Variants in NKAIN3 observed in about 807,000 individuals in gnomAD.
NKAIN3 encodes sodium/potassium transporting ATPase interacting 3.
Under a neutral mutation model 30.2 loss-of-function variants are expected in NKAIN3, and 25 were observed. The observed-to-expected ratio is 0.83, with a 90% confidence interval of 0.60 to 1.16. The LOEUF is 1.16. Ranked by LOEUF, NKAIN3 falls within the 50% of genes most tolerant of loss-of-function variation. NKAIN3 has a pLI of 0.00. For synonymous variants in NKAIN3, 91 were observed against 89.6 expected, an observed-to-expected ratio of 1.02 and a Z score of -0.09; for missense variants, 225 against 254.1, an observed-to-expected ratio of 0.89 and a Z score of 0.78.
chr8:62,558,770 C>A (rs1809482465), intron 1 of NKAIN3, among the ~76,000 whole-genome samples: 1 of 151,600 alleles, frequency 6.6e-6, no homozygotes, highest in South Asian at 2.1e-4. Flanking sequence ...AGGTGGGAGC[C>A]CAGATTACTG....
At chr8:62,295,941 G>C (rs1813813868) in intron 1 of NKAIN3, among the ~76,000 whole-genome samples, 1 of 152,162 alleles carries the variant, frequency 6.6e-6, no homozygotes, top group Admixed American at 6.5e-5. Context: ...TCACACCTTA[G>C]TGTAAATGTT....
chr8:62,634,918 CAG>C (rs1261944010), intron 3 of NKAIN3, among the ~76,000 whole-genome samples: 6 of 151,998 alleles, frequency 3.9e-5, no homozygotes, highest in Non-Finnish European at 7.4e-5. Flanking sequence ...AGAAAAAAGA[CAG>C]AAAGAAAACT....
intron 1 of NKAIN3, among the ~76,000 whole-genome samples, chr8:62,379,524 T>C (rs1054203940): frequency 1.3e-5 from 2 of 152,160 alleles, no homozygotes; most frequent in African/African-American, 4.8e-5. Flanking sequence ...TGAGAGGTAA[T>C]TAAACCATGA....
rs1179330014 is a variant in NKAIN3 at position 62,483,681 on chromosome 8, G to T, written c.55-95858G>T. On this transcript the variant is annotated intron_variant, in intron 1 of 6. Transcript: ENST00000623646. ...CTGAAGGCCGCCTTATCCTATGGAG[G>T]TTGTCAGGGACAATAAGCCCTTGCC... The T allele has an allele frequency of 1.5e-5, 4 of 264,144 alleles. No individual in the cohort carries two copies. In the East Asian group the frequency reaches 4.8e-4, roughly 32 times the overall value. 16.4% of individuals were successfully genotyped at this position (264,144 alleles called of 1,614,324 possible). A position where few individuals can be genotyped will look rare whatever the true frequency, so the allele number is the denominator to read the frequency against.
At chr8:62,865,667 T>G (rs547385059) in intron 4 of NKAIN3, among the ~76,000 whole-genome samples, 39 of 152,226 alleles carry the variant, frequency 2.6e-4, no homozygotes, top group Non-Finnish European at 5.6e-4. Context: ...AAAATAAATT[T>G]TAGCTGAGTA....
chr8:62,499,814 G>GTTTCTTTC (rs35053996), intron 1 of NKAIN3, among the ~76,000 whole-genome samples: 22 of 151,354 alleles, frequency 1.5e-4, no homozygotes, highest in Admixed American at 2.6e-4. Flanking sequence ...AGGTTTGTTT[G>GTTTCTTTC]TTTGTTTCTT....
At chr8:62,510,062 G>A (rs1390597404) in intron 1 of NKAIN3, among the ~76,000 whole-genome samples, 1 of 152,062 alleles carries the variant, frequency 6.6e-6, no homozygotes, top group Non-Finnish European at 1.5e-5. Flanking sequence ...AAAACCTCAT[G>A]AAGGAAGTGA....
intron 1 of NKAIN3, among the ~76,000 whole-genome samples, chr8:62,510,148 G>C (rs1261291707): frequency 6.6e-6 from 1 of 151,968 alleles, no homozygotes; most frequent in African/African-American, 2.4e-5. Context: ...GTGGAATCAG[G>C]GTGAATAAGA....
chr8:62,450,913 G>A (rs1805618975), intron 1 of NKAIN3, among the ~76,000 whole-genome samples: 1 of 152,194 alleles, frequency 6.6e-6, no homozygotes, highest in Admixed American at 6.5e-5. Context: ...GTAAGACATG[G>A]CTAATCCACT....
chr8:62,415,894 A>T (rs2129596326), intron 1 of NKAIN3, among the ~76,000 whole-genome samples: 1 of 151,936 alleles, frequency 6.6e-6, no homozygotes, highest in East Asian at 1.9e-4. Flanking sequence ...AGTAGCTGGG[A>T]CTACAGGTGC....
Position 62,360,865 on chromosome 8 carries a change from A to G in NKAIN3, c.54+111738A>G, listed in dbSNP as rs1447142658. ...CTCTTGTTGAATTGAACCCTTTCCC[A>G]TTATGTAATGACCTTCTTTGTCTTT... On this transcript the variant is annotated intron_variant, in intron 1 of 6. Coordinates refer to ENST00000623646, the MANE Select transcript of NKAIN3 (RefSeq NM_001304533.3). Among the ~76,000 whole-genome samples the G allele has an allele frequency of 2.0e-5, 3 of 152,084 alleles. No individual in the cohort carries two copies. In the South Asian group the frequency reaches 6.2e-4, roughly 32 times the overall value.
intron 1 of NKAIN3, among the ~76,000 whole-genome samples, chr8:62,360,526 GA>G (rs1350190020): frequency 2.1e-4 from 32 of 152,228 alleles, no homozygotes; most frequent in African/African-American, 6.5e-4. Flanking sequence ...ATGAATTAAT[GA>G]ATTTAAAGTA....
intron 3 of NKAIN3, among the ~76,000 whole-genome samples, chr8:62,720,996 A>G (rs1490874992): frequency 6.6e-6 from 1 of 152,220 alleles, no homozygotes; most frequent in Admixed American, 6.5e-5. Flanking sequence ...AGAGCCACGT[A>G]AGAGCATATA....
chr8:62,735,366 CTTTCTTTCTTTCTTTT>C (rs139851503), intron 3 of NKAIN3, among the ~76,000 whole-genome samples: 103,884 of 132,568 alleles, frequency 0.78, 39,753 homozygotes, highest in Non-Finnish European at 0.87. Context: ...TTCTTTCTTT[CTTTCTTTCTTTCTTTT>C]TTTTTTTTTT....
chr8:62,488,945 T>C (rs1038551117), intron 1 of NKAIN3, among the ~76,000 whole-genome samples: 1 of 152,204 alleles, frequency 6.6e-6, no homozygotes, highest in African/African-American at 2.4e-5. Context: ...ATATTTTATA[T>C]ATTCTAGCAA....
At chr8:62,567,298 A>G (rs1351757088) in intron 1 of NKAIN3, among the ~76,000 whole-genome samples, 1 of 152,120 alleles carries the variant, frequency 6.6e-6, no homozygotes, top group Non-Finnish European at 1.5e-5. Flanking sequence ...TAGACTGGTC[A>G]GGGCCGGGCT....
intron 5 of NKAIN3, among the ~76,000 whole-genome samples, chr8:62,945,092 A>G (rs1430311370): frequency 6.6e-6 from 1 of 152,234 alleles, no homozygotes; most frequent in Non-Finnish European, 1.5e-5. Context: ...CAAAACATAT[A>G]AGAGCAGACA....
At chr8:62,315,278 C>T (rs566113906) in intron 1 of NKAIN3, among the ~76,000 whole-genome samples, 1 of 152,276 alleles carries the variant, frequency 6.6e-6, no homozygotes, top group South Asian at 2.1e-4. Flanking sequence ...ACTACAAGCA[C>T]AAATTGTAGT....
At position 62,579,653 on chromosome 8, in the gene NKAIN3, T is replaced by A; in HGVS notation, c.169T>A (p.Tyr57Asn). The A allele has an allele frequency of 6.4e-7, 1 of 1,563,466 alleles. No individual in the cohort carries two copies. The highest frequency in any genetic ancestry group is 8.7e-7 in the Non-Finnish European group (1 of 1,153,238). ...VILGLFGTIQ[Y>N]RPRYIMVYTV... ...ATTGGGTTTGTTTGGGACCATTCAG[T>A]ACAGACCTCGATACATAATGGTGGT... Residue 57 changes from tyrosine to asparagine, a missense_variant, in exon 2 of 7, where the codon TAC becomes AAC. Transcript: ENST00000623646.
Sources: allele counts gnomAD v4.1 joint callset (sites outside exome capture counted in the v4.1 genomes callset), GRCh38; gene constraint gnomAD v4.1.1; transcripts MANE v1.5; gene names NCBI Gene and HGNC (gene_info 2026-07-23, HGNC 2026-07-21).